CACNB2: variants seen among roughly 807,000 people sequenced by gnomAD.
CACNB2 encodes calcium voltage-gated channel auxiliary subunit beta 2.
CACNB2 carries 42 observed loss-of-function variants against 73.3 expected under a neutral mutation model. The observed-to-expected ratio is 0.57, with a 90% CI of 0.45 to 0.74. The LOEUF (loss-of-function observed/expected upper bound fraction) is 0.74, where lower values mean the gene tolerates loss of function less well. Ranked by LOEUF, CACNB2 falls within the 30% of genes least tolerant of loss-of-function variation. The pLI, the probability that CACNB2 is intolerant of heterozygous loss-of-function variation, is 0.00. For synonymous variants in CACNB2, 348 were observed against 310.3 expected, an observed-to-expected ratio of 1.12 and a Z score of -1.28; for missense variants, 940 against 853.0, an observed-to-expected ratio of 1.10 and a Z score of -1.27.
Position 18,385,242 on chromosome 10 carries a change from C to A in CACNB2, c.214-16682C>A, listed in dbSNP as rs181245488. ...AGGTTGCAGTGAGCCGAGATTATGC[C>A]ACTGCACTCCAGCCTGAGCAACAGA... On this transcript the variant is annotated intron_variant, in intron 2 of 13. Coordinates refer to ENST00000324631, the MANE Select transcript of CACNB2 (RefSeq NM_201596.3). 6.6e-4 allele frequency among the ~76,000 whole-genome samples: 100 copies of A among 151,210 alleles called. 1 individual carries two copies. Among genetic ancestry groups the A allele is most frequent in the African/African-American group, 2.2e-3 (90 of 41,146 alleles).
At chr10:18,501,857 T>C (rs1014270287) in intron 5 of CACNB2, among the ~76,000 whole-genome samples, 1 of 152,216 alleles carries the variant, frequency 6.6e-6, no homozygotes. Context: ...CCTCATTAAC[T>C]GGCTTTTCAT....
At chr10:18,242,005 A>C (rs968018932) in intron 2 of CACNB2, among the ~76,000 whole-genome samples, 2 of 152,090 alleles carry the variant, frequency 1.3e-5, no homozygotes, top group Admixed American at 1.3e-4. Flanking sequence ...TTTTATATTT[A>C]TTTCAATATT....
At chr10:18,428,996 T>G (rs190357740) in intron 3 of CACNB2, among the ~76,000 whole-genome samples, 4 of 152,336 alleles carry the variant, frequency 2.6e-5, no homozygotes, top group African/African-American at 9.6e-5. Flanking sequence ...TTTATTCACT[T>G]AATTACTACT....
intron 3 of CACNB2, among the ~76,000 whole-genome samples, chr10:18,426,759 C>T (rs748522732): frequency 1.1e-4 from 17 of 152,156 alleles, no homozygotes; most frequent in East Asian, 1.9e-4. Flanking sequence ...TTCATCTTAC[C>T]GTACTGGCTA....
rs1416390901 is a variant in CACNB2 at position 18,499,044 on chromosome 10, A to G, written c.456+567A>G. Among the ~76,000 whole-genome samples the G allele has an allele frequency of 2.0e-5, 3 of 152,340 alleles. No homozygotes were observed. In the East Asian group the frequency reaches 5.8e-4, roughly 29 times the overall value. On this transcript the variant is annotated intron_variant, in intron 4 of 13. Coordinates refer to ENST00000324631, the MANE Select transcript of CACNB2 (RefSeq NM_201596.3). ...TGTCTCCACCTTCTAGTGAGCAATGACACAACCTGCAAATTGGAAACTTTC... is the reference window on the plus strand; with the variant it reads ...TGTCTCCACCTTCTAGTGAGCAATGGCACAACCTGCAAATTGGAAACTTTC...
At chr10:18,242,816 C>G (rs1159881650) in intron 2 of CACNB2, among the ~76,000 whole-genome samples, 1 of 136,246 alleles carries the variant, frequency 7.3e-6, no homozygotes, top group African/African-American at 2.8e-5. Flanking sequence ...AACCCCGTCT[C>G]TACTAAAAAT....
intron 3 of CACNB2, among the ~76,000 whole-genome samples, chr10:18,464,873 A>C (rs538622241): frequency 6.6e-6 from 1 of 152,378 alleles, no homozygotes; most frequent in African/African-American, 2.4e-5. Flanking sequence ...CTAGTGAACC[A>C]ATGCAAAGTG....
intron 2 of CACNB2, among the ~76,000 whole-genome samples, chr10:18,182,729 G>A (rs1168430664): frequency 6.6e-6 from 1 of 151,562 alleles, no homozygotes; most frequent in Non-Finnish European, 1.5e-5. Flanking sequence ...GGCTGAGGCA[G>A]GAGAATTGCT....
intron 3 of CACNB2, among the ~76,000 whole-genome samples, chr10:18,464,418 T>TAAAATAAAAAAAAAAAAAAAAA (rs1554824204): frequency 2.6e-3 from 218 of 85,266 alleles, no homozygotes; most frequent in South Asian, 3.2e-3. Flanking sequence ...TCTCAAAAAT[T>TAAAATAAAAAAAAAAAAAAAAA]AAAAAAAAAA....
chr10:18,150,022 G>A (rs867434821), intron 1 of CACNB2, among the ~76,000 whole-genome samples: 35 of 152,172 alleles, frequency 2.3e-4, no homozygotes, highest in African/African-American at 8.2e-4. Context: ...ATTCTAACCT[G>A]TGTGCTACAT....
At chr10:18,447,693 A>T (rs937550851) in intron 3 of CACNB2, among the ~76,000 whole-genome samples, 16 of 152,098 alleles carry the variant, frequency 1.1e-4, no homozygotes, top group African/African-American at 3.9e-4. Flanking sequence ...TGGAAGCCCA[A>T]TTTAAGAAAT....
At chr10:18,146,442 T>C (rs1410910363) in intron 1 of CACNB2, among the ~76,000 whole-genome samples, 1 of 151,726 alleles carries the variant, frequency 6.6e-6, no homozygotes, top group Non-Finnish European at 1.5e-5. Flanking sequence ...CCTGAGTAGC[T>C]GGGACTACAG....
chr10:18,514,407 C>T, intron 7 of CACNB2, 38 bp downstream of exon 7: 1 of 1,613,970 alleles, frequency 6.2e-7, no homozygotes, highest in Non-Finnish European at 8.5e-7. Context: ...TCCACCTGCT[C>T]AACTGCACTG....
In CACNB2 at chr10:18,514,921, C is replaced by T. The variant is rs2051127693; in HGVS notation, c.804+552C>T. On this transcript the variant is annotated intron_variant, in intron 7 of 13. Coordinates refer to ENST00000324631, the MANE Select transcript of CACNB2 (RefSeq NM_201596.3). ...ATGATATCCAGATACATAGCTTGTA[C>T]TAAAAAAAAAAGTATTCAAGTTTTA... 3 of 1,166,038 alleles carry T rather than the reference C, an allele frequency of 2.6e-6. 1 individual carries two copies. The African/African-American group carries it at 4.6e-5, about 18-fold the overall frequency. The allele number at this position is 1,166,038 out of a possible 1,614,324, so 72.2% of individuals were successfully genotyped here.
intron 2 of CACNB2, among the ~76,000 whole-genome samples, chr10:18,217,444 G>A (rs1289473973): frequency 3.3e-5 from 5 of 151,896 alleles, no homozygotes; most frequent in African/African-American, 9.7e-5. Context: ...AGATCGTGCC[G>A]CTGTACTCCA....
rs74825811 is a variant in CACNB2 at position 18,339,615 on chromosome 10, G to A, written c.214-62309G>A. ...ACAAACCTTTTCTGTAAAGGGCCACGTAGGACATATTTAAGGCTTTGTGAG... is the reference window on the plus strand; with the variant it reads ...ACAAACCTTTTCTGTAAAGGGCCACATAGGACATATTTAAGGCTTTGTGAG... On this transcript the variant is annotated intron_variant, in intron 2 of 13. Coordinates refer to ENST00000324631, the MANE Select transcript of CACNB2 (RefSeq NM_201596.3). 9.7e-3 allele frequency among the ~76,000 whole-genome samples: 1,477 copies of A among 152,268 alleles called. 25 individuals are homozygous for A. The highest frequency in any genetic ancestry group is 0.033 in the African/African-American group (1,391 of 41,526).
At chr10:18,373,151 G>C (rs916477068) in intron 2 of CACNB2, among the ~76,000 whole-genome samples, 6 of 152,010 alleles carry the variant, frequency 3.9e-5, no homozygotes, top group African/African-American at 1.5e-4. Context: ...ACTCACCTCA[G>C]GCTGCACTGT....
intron 12 of CACNB2, 117 bp downstream of exon 12, chr10:18,536,313 C>A (rs2053597366): frequency 1.6e-6 from 1 of 610,924 alleles, no homozygotes; most frequent in Non-Finnish European, 2.7e-6. Context: ...GTTGGGAGTG[C>A]AGTGGTATGG....
intron 2 of CACNB2, among the ~76,000 whole-genome samples, chr10:18,359,633 T>C (rs1473581439): frequency 6.6e-6 from 1 of 151,904 alleles, no homozygotes; most frequent in Non-Finnish European, 1.5e-5. Flanking sequence ...CTTTAAGTTC[T>C]GGGGTACACG....
Sources: gnomAD v4.1 joint callset for allele counts (sites outside exome capture counted in the v4.1 genomes callset) on GRCh38, gnomAD v4.1.1 for gene constraint, MANE v1.5 for transcripts, NCBI Gene and HGNC (gene_info 2026-07-23, HGNC 2026-07-21) for gene names.